The following SLC15A5 variants were observed in gnomAD, a reference collection of about 807,000 sequenced individuals.
SLC15A5 encodes Peptide/histidine transporter ENSP00000340402.
Under a neutral mutation model 56.1 loss-of-function variants are expected in SLC15A5, and 58 were observed. The observed-to-expected ratio is 1.03, with a 90% CI of 0.84 to 1.29. SLC15A5 has a LOEUF of 1.29. SLC15A5 is among the 50% of genes most tolerant of loss of function. The pLI is 0.00. For synonymous variants in SLC15A5, 264 were observed against 250.5 expected (o/e 1.05, Z -0.51); for missense variants, 681 against 672.1 (o/e 1.01, Z -0.15).
intron 5 of SLC15A5, among the ~76,000 whole-genome samples, chr12:16,233,933 G>A (rs1864323222): frequency 6.6e-6 from 1 of 152,092 alleles, no homozygotes; most frequent in Non-Finnish European, 1.5e-5. Context: ...ATGAAAGACT[G>A]TTCTCCAGAA....
At position 16,214,537 on chromosome 12, in the gene SLC15A5, A is replaced by AACC. The variant is rs1213806386; in HGVS notation, c.1483+2355_1483+2356insGGT. Among the ~76,000 whole-genome samples the AACC allele has an allele frequency of 4.6e-5, 7 of 152,268 alleles. No homozygotes were observed. The East Asian group carries it at 1.4e-3, about 29-fold the overall frequency. On this transcript the variant is annotated intron_variant, in intron 7 of 8. Transcript: ENST00000344941. Reference sequence around the variant, plus strand: ...CTTCTGGGGAGCAGAAGGAGGGTGGAGACTGAGCTCACAATGATTCAATCA... The same window carrying AACC: ...CTTCTGGGGAGCAGAAGGAGGGTGGAACCGACTGAGCTCACAATGATTCAATCA...
chr12:16,233,663 C>G (rs867469828), intron 5 of SLC15A5, among the ~76,000 whole-genome samples: 8 of 152,146 alleles, frequency 5.3e-5, no homozygotes, highest in African/African-American at 1.9e-4. Context: ...CCACTGCTGC[C>G]TATACACATG....
At chr12:16,223,634 G>C (rs954400596) in intron 6 of SLC15A5, among the ~76,000 whole-genome samples, 1 of 151,880 alleles carries the variant, frequency 6.6e-6, no homozygotes, top group Admixed American at 6.6e-5. Flanking sequence ...AAGTTATCTG[G>C]AAAATTGGCT....
intron 8 of SLC15A5, among the ~76,000 whole-genome samples, chr12:16,193,008 C>T (rs1863852094): frequency 6.6e-6 from 1 of 151,916 alleles, no homozygotes; most frequent in Non-Finnish European, 1.5e-5. Flanking sequence ...TTATGAAAGA[C>T]AAGGATCAAA....
At chr12:16,247,877 A>G (rs184471494) in intron 3 of SLC15A5, among the ~76,000 whole-genome samples, 9 of 152,236 alleles carry the variant, frequency 5.9e-5, no homozygotes, top group Admixed American at 5.2e-4. Context: ...ATATTTTAAA[A>G]TAGTTACCCT....
At position 16,205,590 on chromosome 12, in the gene SLC15A5, T is replaced by TATACACAC. The variant is rs775209178; in HGVS notation, c.1484-11138_1484-11137insGTGTGTAT. ...AAGAAGGGAAAGGTGCATATATATA[T>TATACACAC]ACATATACACACACACACACATATA... is the stretch of plus-strand genomic sequence containing the variant. On this transcript the variant is annotated intron_variant, in intron 7 of 8. Coordinates refer to ENST00000344941, the MANE Select transcript of SLC15A5 (RefSeq NM_001170798.1). Among the ~76,000 whole-genome samples, 67 of 57,148 alleles carry TATACACAC rather than the reference T, an allele frequency of 1.2e-3. 1 individual carries two copies. The highest frequency in any genetic ancestry group is 2.5e-3 in the Admixed American group (17 of 6,708). The allele number at this position is 57,148 out of a possible 152,430, so 37.5% of individuals were successfully genotyped here. A position where few individuals can be genotyped will look rare whatever the true frequency, so the allele number is the denominator to read the frequency against.
intron 1 of SLC15A5, 27 bp from the exon 2 acceptor site, chr12:16,272,810 A>G: frequency 1.3e-6 from 2 of 1,519,044 alleles, no homozygotes; most frequent in African/African-American, 2.8e-5. Context: ...AAAAAGAGTA[A>G]ATGTAGCATA....
chr12:16,213,872 T>C (rs541351260), intron 7 of SLC15A5, among the ~76,000 whole-genome samples: 1 of 152,260 alleles, frequency 6.6e-6, no homozygotes, highest in East Asian at 1.9e-4. Context: ...ATATAAACTT[T>C]TGTTTCTCTA....
intron 5 of SLC15A5, among the ~76,000 whole-genome samples, chr12:16,239,200 A>G (rs1457261390): frequency 6.6e-6 from 1 of 151,790 alleles, no homozygotes; most frequent in East Asian, 1.9e-4. Flanking sequence ...ATTTCATTTT[A>G]TGTCCTATTG....
At chr12:16,234,530 C>G (rs1373630776) in intron 5 of SLC15A5, among the ~76,000 whole-genome samples, 1 of 151,988 alleles carries the variant, frequency 6.6e-6, no homozygotes, top group Non-Finnish European at 1.5e-5. Context: ...AATAACACAC[C>G]CAAAGCAGAG....
rs540302832 is a variant in SLC15A5 at position 16,190,784 on chromosome 12, C to A, written c.1593-969G>T. 1.1e-4 allele frequency among the ~76,000 whole-genome samples: 16 copies of A among 152,194 alleles called. No homozygotes were observed. The South Asian group carries it at 3.3e-3, about 32-fold the overall frequency. The stretch of plus-strand genomic sequence containing the variant: ...TCTAAGAGAATGAATACTGCCTGAA[C>A]AACTCTGGTCATTTGTCTCTGATTT... On this transcript the variant is annotated intron_variant, in intron 8 of 8. Coordinates refer to ENST00000344941, the MANE Select transcript of SLC15A5 (RefSeq NM_001170798.1).
chr12:16,192,146 C>T (rs961762176), intron 8 of SLC15A5, among the ~76,000 whole-genome samples: 1 of 152,056 alleles, frequency 6.6e-6, no homozygotes, highest in African/African-American at 2.4e-5. Context: ...ATGAGAAGAT[C>T]TATATGCCAA....
chr12:16,257,406 A>G (rs1052618614), intron 3 of SLC15A5, among the ~76,000 whole-genome samples: 1 of 152,164 alleles, frequency 6.6e-6, no homozygotes, highest in Non-Finnish European at 1.5e-5. Context: ...TGCTTAAGAT[A>G]TTCCATTATT....
In SLC15A5 at chr12:16,268,292, G is replaced by T. The variant is rs777346300; in HGVS notation, c.584+4269C>A. On this transcript the variant is annotated intron_variant, in intron 2 of 8. Coordinates refer to ENST00000344941, the MANE Select transcript of SLC15A5 (RefSeq NM_001170798.1). ...CTTGGGAGGCTGAGGCAGGAGAATT[G>T]CTTGAACCCGGGAGACGGAGGTTGC... Among the ~76,000 whole-genome samples, 2 of 48,882 alleles carry T rather than the reference G, an allele frequency of 4.1e-5. 1 individual carries two copies. The highest frequency in any genetic ancestry group is 8.6e-5 in the Non-Finnish European group (2 of 23,226). The allele number at this position is 48,882 out of a possible 152,430, so 32.1% of individuals were successfully genotyped here.
chr12:16,221,541 T>C lies in SLC15A5; in HGVS notation c.1351+2873A>G, dbSNP rs534505005. Among the ~76,000 whole-genome samples the C allele has an allele frequency of 2.6e-5, 4 of 152,298 alleles. No individual in the cohort carries two copies. The South Asian group carries it at 8.3e-4, about 32-fold the overall frequency. ...TCTGGGGATGTGGTCAAGGGGCAGA[T>C]TGTAACCAAATGTAGGTGGAACAAC... On this transcript the variant is annotated intron_variant, in intron 6 of 8. Transcript: ENST00000344941.
At chr12:16,254,268 T>C (rs1272233748) in intron 3 of SLC15A5, among the ~76,000 whole-genome samples, 1 of 151,960 alleles carries the variant, frequency 6.6e-6, no homozygotes, top group African/African-American at 2.4e-5. Flanking sequence ...ATGAAGTAGC[T>C]AAAGCAGTCA....
In SLC15A5 at chr12:16,271,057, A is replaced by C. The variant is rs1304631024; in HGVS notation, c.584+1504T>G. Among the ~76,000 whole-genome samples the C allele has an allele frequency of 2.0e-5, 3 of 152,144 alleles. No individual in the cohort carries two copies. Among genetic ancestry groups the C allele is most frequent in the Non-Finnish European group, 2.9e-5 (2 of 68,030 alleles). ...ATCAGAAAATAATTTTTAAAAATCTAAATATGTTCATCCTAAATTTGGCCT... is the reference window on the plus strand; with the variant it reads ...ATCAGAAAATAATTTTTAAAAATCTCAATATGTTCATCCTAAATTTGGCCT... On this transcript the variant is annotated intron_variant, in intron 2 of 8. Coordinates refer to ENST00000344941, the MANE Select transcript of SLC15A5 (RefSeq NM_001170798.1). This position sits in a 1 kb window ranked among gnomAD's most constrained non-coding sequence, Gnocchi z 8.0.
intron 8 of SLC15A5, among the ~76,000 whole-genome samples, chr12:16,190,110 T>C (rs1565653518): frequency 6.6e-6 from 1 of 152,200 alleles, no homozygotes; most frequent in African/African-American, 2.4e-5. Context: ...GCCTATTGAC[T>C]TGACAGATTT....
chr12:16,255,040 A>T (rs1012230762), intron 3 of SLC15A5, among the ~76,000 whole-genome samples: 12 of 152,260 alleles, frequency 7.9e-5, no homozygotes, highest in African/African-American at 2.9e-4. Flanking sequence ...TGGATCTGCC[A>T]ATTACCCTGA....
Sources: allele counts gnomAD v4.1 joint callset (sites outside exome capture counted in the v4.1 genomes callset), GRCh38; gene constraint gnomAD v4.1.1; non-coding constraint Gnocchi (gnomAD v3.1); transcripts MANE v1.5; gene names NCBI Gene and HGNC (gene_info 2026-07-23, HGNC 2026-07-21).